Variants in CXXC5 observed in about 807,000 individuals in gnomAD.
The protein encoded by CXXC5 is CXXC finger protein 5, also known as CXXC-type zinc finger protein 5.
CXXC5 carries 2 observed loss-of-function variants against 17.6 expected under a neutral mutation model. That is an observed-to-expected ratio of 0.11 (90% CI 0.05 to 0.36). The LOEUF is 0.36. Ranked by LOEUF, CXXC5 falls within the 10% of genes least tolerant of loss-of-function variation. The pLI is 1.00. For synonymous variants in CXXC5, 171 were observed against 193.0 expected (o/e 0.89, Z 0.94); for missense variants, 343 against 458.3 (o/e 0.75, Z 2.30).
intron 1 of CXXC5, among the ~76,000 whole-genome samples, chr5:139,660,945 G>A (rs1473409441): frequency 6.6e-6 from 1 of 151,542 alleles, no homozygotes; most frequent in East Asian, 2.0e-4. Flanking sequence ...TGGCCGGCGG[G>A]ACAGGCAAGA....
At position 139,648,749 on chromosome 5, in the gene CXXC5, G is replaced by A. The variant is rs994518662; in HGVS notation, c.-257G>A. 4.6e-5 allele frequency: 7 copies of A among 151,924 alleles called. No homozygotes were observed. Among genetic ancestry groups the A allele is most frequent in the East Asian group, 2.0e-4 (1 of 5,122 alleles). The allele number at this position is 151,924 out of a possible 1,614,324, so 9.4% of individuals were successfully genotyped here. On this transcript the variant is annotated 5_prime_UTR_variant, in exon 1 of 3. Transcript: ENST00000302517. The stretch of plus-strand genomic sequence containing the variant: ...CGGCTGGAGCGGAGCGCACCGCGGC[G>A]GTGGTGCCCAGAGCGGAGCGCAGCT...
In CXXC5 at chr5:139,682,762, T is replaced by G; in HGVS notation, c.925-101T>G. On this transcript the variant is annotated intron_variant, in intron 2 of 2. Transcript: ENST00000302517. ...GGTGGCTGCTCTTCCTCCATGCCTGTCCCTCCGCCATGAGGCCATCCATGG... is the reference window on the plus strand; with the variant it reads ...GGTGGCTGCTCTTCCTCCATGCCTGGCCCTCCGCCATGAGGCCATCCATGG... 3.3e-6 allele frequency: 4 copies of G among 1,221,964 alleles called. No individual in the cohort carries two copies. In the South Asian group the frequency reaches 6.8e-5, roughly 21 times the overall value. 75.7% of individuals were successfully genotyped at this position (1,221,964 alleles called of 1,614,324 possible).
intron 1 of CXXC5, among the ~76,000 whole-genome samples, chr5:139,678,936 A>G (rs1456683982): frequency 6.6e-6 from 1 of 152,114 alleles, no homozygotes; most frequent in Non-Finnish European, 1.5e-5. Context: ...TGATGAGGAA[A>G]CCGCCGCCTT....
At chr5:139,654,769 A>G (rs922077866) in intron 1 of CXXC5, among the ~76,000 whole-genome samples, 14 of 152,210 alleles carry the variant, frequency 9.2e-5, no homozygotes, top group Non-Finnish European at 1.8e-4. Context: ...TATGTTTTCA[A>G]GGTGTTACTT....
At chr5:139,679,287 G>A (rs1432860059) in intron 1 of CXXC5, among the ~76,000 whole-genome samples, 1 of 152,232 alleles carries the variant, frequency 6.6e-6, no homozygotes, top group Non-Finnish European at 1.5e-5. Context: ...GGCCTGAGTA[G>A]AGACAAGAAT....
chr5:139,665,544 G>C (rs370283243), intron 1 of CXXC5: 6 of 152,302 alleles, frequency 3.9e-5, no homozygotes, highest in African/African-American at 1.4e-4. Context: ...GGGCTGTTAT[G>C]GCCACCCCCT....
rs1756420184 is a variant in CXXC5, at chr5:139,670,771, C to A, written c.-160-9593C>A. ...TCAGGGAGGTCACAGAGTCAAAGAT[C>A]TCCCCCAGCACTGCTACATGATCCC... On this transcript the variant is annotated intron_variant, in intron 1 of 2. Coordinates refer to ENST00000302517, the MANE Select transcript of CXXC5 (RefSeq NM_016463.9). This position sits in a 1 kb window ranked among gnomAD's most constrained non-coding sequence, Gnocchi z 4.2. Among the ~76,000 whole-genome samples the A allele has an allele frequency of 6.6e-6, 1 of 152,212 alleles. No individual in the cohort carries two copies. Among genetic ancestry groups the A allele is most frequent in the Non-Finnish European group, 1.5e-5 (1 of 68,040 alleles).
intron 1 of CXXC5, among the ~76,000 whole-genome samples, chr5:139,666,768 C>A (rs555590887): frequency 1.3e-5 from 2 of 152,338 alleles, no homozygotes; most frequent in South Asian, 4.1e-4. Flanking sequence ...GGCTCTGGCG[C>A]AGGCTGTTTC....
At chr5:139,671,011 G>A (rs1756436598) in intron 1 of CXXC5, among the ~76,000 whole-genome samples, 2 of 152,326 alleles carry the variant, frequency 1.3e-5, no homozygotes, top group East Asian at 3.9e-4. Flanking sequence ...GGGTAGTTAT[G>A]CCACCCGAGG....
rs562314441 is a variant in CXXC5 at position 139,680,472 on chromosome 5, C to G, written c.-52C>G. ...AGGGCCAGGTCCTGGTCTGTGGACC[C>G]TCGGCAGTTGGCAGGCTCCCTCTGC... is the stretch of plus-strand genomic sequence containing the variant. On this transcript the variant is annotated 5_prime_UTR_variant, in exon 2 of 3. Coordinates refer to ENST00000302517, the MANE Select transcript of CXXC5 (RefSeq NM_016463.9). The G allele has an allele frequency of 1.3e-6, 2 of 1,511,912 alleles. No individual in the cohort carries two copies. The highest frequency in any genetic ancestry group is 2.4e-5 in the East Asian group (1 of 40,866). The allele number at this position is 1,511,912 out of a possible 1,614,324, so 93.7% of individuals were successfully genotyped here.
rs1020605078 is a variant in CXXC5, at chr5:139,683,606, T to G, written c.*699T>G. The G allele has an allele frequency of 2.6e-5, 4 of 152,470 alleles. No homozygotes were observed. The highest frequency in any genetic ancestry group is 4.4e-5 in the Non-Finnish European group (3 of 68,040). The allele number at this position is 152,470 out of a possible 1,614,324, so 9.4% of individuals were successfully genotyped here. On this transcript the variant is annotated 3_prime_UTR_variant, in exon 3 of 3. Coordinates refer to ENST00000302517, the MANE Select transcript of CXXC5 (RefSeq NM_016463.9). ...AAAAAAAATGAAAGTTCTGTTCGTT[T>G]ATCCATTGCGATCTGGGGAGCCCCA... is the stretch of plus-strand genomic sequence containing the variant.
At chr5:139,677,247 C>G (rs1197229802) in intron 1 of CXXC5, among the ~76,000 whole-genome samples, 1 of 152,116 alleles carries the variant, frequency 6.6e-6, no homozygotes, top group Non-Finnish European at 1.5e-5. Context: ...CTTTCCCTCC[C>G]GCTCATTCCC....
At chr5:139,674,084 G>A (rs181906156) in intron 1 of CXXC5, among the ~76,000 whole-genome samples, 28 of 152,150 alleles carry the variant, frequency 1.8e-4, no homozygotes, top group Non-Finnish European at 3.4e-4. Flanking sequence ...CTGGGTGCTC[G>A]CAGTGGCCAG....
At chr5:139,674,776 A>C (rs1474172248) in intron 1 of CXXC5, among the ~76,000 whole-genome samples, 1 of 152,206 alleles carries the variant, frequency 6.6e-6, no homozygotes, top group African/African-American at 2.4e-5. Context: ...GCATTTTGGG[A>C]GGCCCAGGTG....
At chr5:139,659,639 G>A (rs544760873) in intron 1 of CXXC5, 20 of 152,354 alleles carry the variant, frequency 1.3e-4, no homozygotes, top group African/African-American at 4.6e-4. Context: ...TTCATCGGTC[G>A]AGGCAAGTGG....
rs573508831 is a variant in CXXC5 at position 139,674,686 on chromosome 5, A to C, written c.-160-5678A>C. Among the ~76,000 whole-genome samples the C allele has an allele frequency of 2.6e-5, 4 of 152,370 alleles. No individual in the cohort carries two copies. The East Asian group carries it at 7.7e-4, about 29-fold the overall frequency. On this transcript the variant is annotated intron_variant, in intron 1 of 2. Coordinates refer to ENST00000302517, the MANE Select transcript of CXXC5 (RefSeq NM_016463.9). ...ATACTTTAATGTGGCAGAATTTTAT[A>C]GTATGTAAACTATACCTCGATAAAA... is the stretch of plus-strand genomic sequence containing the variant.
intron 1 of CXXC5, among the ~76,000 whole-genome samples, chr5:139,669,377 C>G (rs963009891): frequency 2.6e-5 from 4 of 152,214 alleles, no homozygotes; most frequent in African/African-American, 9.6e-5. Flanking sequence ...AGTGGCGGTG[C>G]CCAGCCCCGT....
intron 1 of CXXC5, among the ~76,000 whole-genome samples, chr5:139,650,365 G>T (rs537574180): frequency 2.0e-5 from 3 of 152,198 alleles, no homozygotes. Flanking sequence ...CGCGGCGGGC[G>T]CTGTTTGGAG....
intron 1 of CXXC5, among the ~76,000 whole-genome samples, chr5:139,652,826 A>G (rs1245311629): frequency 6.6e-6 from 1 of 151,532 alleles, no homozygotes. Context: ...AATTTTGGAG[A>G]GTTTGGATTT....
Sources: gnomAD v4.1 joint callset for allele counts (sites outside exome capture counted in the v4.1 genomes callset) on GRCh38, gnomAD v4.1.1 for gene constraint, Gnocchi (gnomAD v3.1) non-coding constraint, MANE v1.5 for transcripts, NCBI Gene and HGNC (gene_info 2026-07-23, HGNC 2026-07-21) for gene names.